DNMT3L: variants seen among roughly 807,000 people sequenced by gnomAD.
DNMT3L encodes DNA methyltransferase 3 like.
Under a neutral mutation model 36.2 loss-of-function variants are expected in DNMT3L, and 33 were observed. The observed-to-expected ratio is 0.91, with a 90% confidence interval of 0.69 to 1.22. The LOEUF (loss-of-function observed/expected upper bound fraction) is 1.22. Ranked by LOEUF, DNMT3L falls within the 50% of genes most tolerant of loss-of-function variation. The pLI is 0.00. For missense variants in DNMT3L, 310 were observed against 303.1 expected (o/e 1.02, Z -0.17); for synonymous variants, 117 against 121.7 (o/e 0.96, Z 0.26).
rs772926515 is a variant in DNMT3L, at chr21:44,260,853, T to G, written c.107-14A>C. 1.5e-5 allele frequency: 24 copies of G among 1,613,086 alleles called. No homozygotes were observed. The highest frequency in any genetic ancestry group is 1.9e-5 in the Non-Finnish European group (23 of 1,179,914). On this transcript the variant is annotated splice_polypyrimidine_tract_variant and intron_variant, in intron 2 of 11. Coordinates refer to ENST00000628202, the MANE Select transcript of DNMT3L (RefSeq NM_175867.3). ...ATGCAATAAGATCTGGAAAGGAAGA[T>G]AAGAAGTAGCCCCTTTCTTCTTCCT...
At chr21:44,261,125 A>C in intron 2 of DNMT3L, 29 bp downstream of exon 2, 1 of 1,607,164 alleles carries the variant, frequency 6.2e-7, no homozygotes, top group Non-Finnish European at 8.5e-7. Context: ...ATCCTAAGTG[A>C]CTGGTCCAAT....
At position 44,260,347 on chromosome 21, in the gene DNMT3L, T is replaced by C. The variant is rs555671252; in HGVS notation, c.151+448A>G. ...GTGATGAAAACCTTCTAAAATTAGA[T>C]GGTGATGATGGTTGCTGACTCTGTA... On this transcript the variant is annotated intron_variant, in intron 3 of 11. Transcript: ENST00000628202. 2.0e-5 allele frequency among the ~76,000 whole-genome samples: 3 copies of C among 152,274 alleles called. No individual in the cohort carries two copies. The South Asian group carries it at 6.2e-4, about 32-fold the overall frequency.
rs1023878301 is a variant in DNMT3L at position 44,255,104 on chromosome 21, A to C, written c.605-399T>G. On this transcript the variant is annotated intron_variant, in intron 7 of 11. Transcript: ENST00000628202. ...CAGCCTCCCAAATTGTTGGGATTACACGTGTGAGCCACTGCACCCCGCCCA... is the reference window on the plus strand; with the variant it reads ...CAGCCTCCCAAATTGTTGGGATTACCCGTGTGAGCCACTGCACCCCGCCCA... 7.2e-5 allele frequency among the ~76,000 whole-genome samples: 11 copies of C among 152,186 alleles called. No homozygotes were observed. The South Asian group carries it at 8.3e-4, about 11-fold the overall frequency.
rs1421931397 is a variant in DNMT3L at position 44,258,899 on chromosome 21, AG to A, written c.345-206del. Among the ~76,000 whole-genome samples, 1 of 152,250 alleles carries A rather than the reference AG, an allele frequency of 6.6e-6. No individual in the cohort carries two copies. The highest frequency in any genetic ancestry group is 1.9e-4 in the East Asian group (1 of 5,182). On this transcript the variant is annotated intron_variant, in intron 5 of 11. Coordinates refer to ENST00000628202, the MANE Select transcript of DNMT3L (RefSeq NM_175867.3). The surrounding 1 kb of genome is among the most constrained non-coding windows in gnomAD (Gnocchi z 6.2). Reference sequence around the variant, plus strand: ...AGGAGCCGAGCCAGGTGCAGAAGACAGGGAGGTGGATTCACAGGCAATGACA... The same window carrying A: ...AGGAGCCGAGCCAGGTGCAGAAGACAGGAGGTGGATTCACAGGCAATGACA...
At chr21:44,257,483 C>A (rs1304905711) in intron 6 of DNMT3L, among the ~76,000 whole-genome samples, 1 of 151,892 alleles carries the variant, frequency 6.6e-6, no homozygotes, top group Non-Finnish European at 1.5e-5. Context: ...AGATCGAGAC[C>A]ATCCCGGCTA....
chr21:44,254,703 G>C lies in DNMT3L; in HGVS notation c.607C>G (p.Leu203Val). The C allele has an allele frequency of 7.4e-6, 12 of 1,613,930 alleles. No homozygotes were observed. Among genetic ancestry groups the C allele is most frequent in the Non-Finnish European group, 1.0e-5 (12 of 1,179,952 alleles). Reference sequence around the variant, plus strand: ...CTTTCCAAAAAGCCCAAACTCGTCAGCTCTGGATGGGGAGAGACCAGAAGG... The same window carrying C: ...CTTTCCAAAAAGCCCAAACTCGTCACCTCTGGATGGGGAGAGACCAGAAGG... ...LSLFEDIKKE[L>V]TSLGFLESGS... Residue 203 changes from leucine to valine, a missense_variant and splice_region_variant, in exon 8 of 12, where the codon CTG (leucine) becomes GTG (valine). Transcript: ENST00000628202.
chr21:44,259,358 CCA>C, intron 5 of DNMT3L, 77 bp downstream of exon 5: 1 of 1,440,874 alleles, frequency 6.9e-7, no homozygotes, highest in East Asian at 2.3e-5. Flanking sequence ...GAAAATCCAC[CCA>C]CACTCCAGAA....
intron 5 of DNMT3L, 62 bp downstream of exon 5, chr21:44,259,375 T>C (rs2276248): frequency 0.037 from 56,933 of 1,519,294 alleles, 3,056 homozygotes; most frequent in East Asian, 0.28. Flanking sequence ...CCAGAATGAG[T>C]AGCTGAAAGG....
At chr21:44,254,574 C>G in intron 8 of DNMT3L, 43 bp downstream of exon 8, 1 of 1,603,476 alleles carries the variant, frequency 6.2e-7, no homozygotes, top group Non-Finnish European at 8.5e-7. Context: ...AGCTCGCACC[C>G]CCGCTCCCAC....
chr21:44,261,462 G>C, intron 1 of DNMT3L, among the ~76,000 whole-genome samples, 196 bp from the exon 2 acceptor site: 1 of 152,184 alleles, frequency 6.6e-6, no homozygotes, highest in Non-Finnish European at 1.5e-5. Context: ...AGCCCTGAGA[G>C]GGGCTCAAGG....
chr21:44,257,692 A>AAT (rs1568916297), intron 6 of DNMT3L, among the ~76,000 whole-genome samples: 1 of 80,144 alleles, frequency 1.2e-5, no homozygotes, highest in Non-Finnish European at 2.1e-5. Flanking sequence ...AAAAAAAAAA[A>AAT]AAAATAAATA....
intron 2 of DNMT3L, 28 bp downstream of exon 2, chr21:44,261,126 C>G (rs1193260338): frequency 6.2e-7 from 1 of 1,609,974 alleles, no homozygotes; most frequent in East Asian, 2.2e-5. Context: ...TCCTAAGTGA[C>G]TGGTCCAATA....
At position 44,259,478 on chromosome 21, in the gene DNMT3L, G is replaced by T. The variant is rs79589187; in HGVS notation, c.303C>A (p.Ser101=). ...TTCCGCAGATGAGCAGCGTCTCTCC[G>T]GAGCAGCAGATGGAGCAGTAGGATT... ...GYQSYCSICC[S]GETLLICGNP... is the part of the protein sequence containing the mutation. The change falls in exon 5 of 12, where the codon TCC becomes TCA. Residue 101 remains serine, a synonymous_variant. Transcript: ENST00000628202. The T allele has an allele frequency of 2.5e-4, 406 of 1,613,640 alleles. No homozygotes were observed. The African/African-American group carries it at 4.9e-3, about 19-fold the overall frequency.
intron 8 of DNMT3L, among the ~76,000 whole-genome samples, chr21:44,254,339 AGCTCTGG>A (rs548168054): frequency 4.5e-4 from 69 of 152,258 alleles, no homozygotes; most frequent in Middle Eastern, 6.8e-3. Context: ...CCCTGCTCTG[AGCTCTGG>A]GCTCTGGGCT....
In DNMT3L at chr21:44,254,713, G is replaced by A. The variant is rs1430203665; in HGVS notation, c.605-8C>T. 1 of 1,613,818 alleles carries A rather than the reference G, an allele frequency of 6.2e-7. No homozygotes were observed. Among genetic ancestry groups the A allele is most frequent in the African/African-American group, 1.3e-5 (1 of 75,030 alleles). ...AGCCCAAACTCGTCAGCTCTGGATG[G>A]GGAGAGACCAGAAGGGCCCAGAGGG... is the stretch of plus-strand genomic sequence containing the variant. On this transcript the variant is annotated splice_polypyrimidine_tract_variant and splice_region_variant and intron_variant, in intron 7 of 11. Coordinates refer to ENST00000628202, the MANE Select transcript of DNMT3L (RefSeq NM_175867.3).
rs1342723521 is a variant in DNMT3L at position 44,258,244 on chromosome 21, G to A, written c.516+279C>T. Among the ~76,000 whole-genome samples the A allele has an allele frequency of 6.6e-6, 1 of 151,982 alleles. No individual in the cohort carries two copies. Among genetic ancestry groups the A allele is most frequent in the Non-Finnish European group, 1.5e-5 (1 of 67,980 alleles). ...CCCAGGCACTTGCTCCTGAGGACTGGACTTTGAGACGTGCCAGCCACCCTC... is the reference window on the plus strand; with the variant it reads ...CCCAGGCACTTGCTCCTGAGGACTGAACTTTGAGACGTGCCAGCCACCCTC... On this transcript the variant is annotated intron_variant, in intron 6 of 11. Transcript: ENST00000628202. The surrounding 1 kb of genome is among the most constrained non-coding windows in gnomAD (Gnocchi z 6.2).
intron 8 of DNMT3L, 46 bp downstream of exon 8, chr21:44,254,571 A>G: frequency 6.3e-7 from 1 of 1,597,702 alleles, no homozygotes; most frequent in Non-Finnish European, 8.5e-7. Context: ...GGAAGCTCGC[A>G]CCCCCGCTCC....
intron 6 of DNMT3L, among the ~76,000 whole-genome samples, 200 bp from the exon 7 acceptor site, chr21:44,256,354 C>T (rs1025521196): frequency 2.0e-4 from 31 of 151,880 alleles, no homozygotes; most frequent in African/African-American, 7.5e-4. Flanking sequence ...CCCCCTGCTC[C>T]AGCCTCAGTC....
intron 8 of DNMT3L, among the ~76,000 whole-genome samples, chr21:44,254,187 T>G (rs549824712): frequency 6.6e-6 from 1 of 152,310 alleles, no homozygotes; most frequent in East Asian, 1.9e-4. Flanking sequence ...CAGTGACCAG[T>G]TGTCCAGGTC....
Sources: allele counts gnomAD v4.1 joint callset (sites outside exome capture counted in the v4.1 genomes callset), GRCh38; gene constraint gnomAD v4.1.1; non-coding constraint Gnocchi (gnomAD v3.1); transcripts MANE v1.5; gene names NCBI Gene and HGNC (gene_info 2026-07-23, HGNC 2026-07-21).